Variants in MAP4K3 observed in about 807,000 individuals in gnomAD.
MAP4K3 encodes mitogen-activated protein kinase kinase kinase kinase 3.
MAP4K3 carries 94 observed loss-of-function variants against 143.5 expected under a neutral mutation model. The observed-to-expected ratio is 0.65, with a 90% CI of 0.55 to 0.78. The LOEUF is 0.78. MAP4K3 is among the 30% of genes least tolerant of loss of function. The pLI, the probability that MAP4K3 is intolerant of heterozygous loss-of-function variation, is 0.00. For missense variants in MAP4K3, 1,077 were observed against 1,068.1 expected (o/e 1.01, Z -0.12); for synonymous variants, 416 against 347.2 (o/e 1.20, Z -2.20).
At chr2:39,375,085 A>G (rs1437791406) in intron 2 of MAP4K3, among the ~76,000 whole-genome samples, 2 of 152,120 alleles carry the variant, frequency 1.3e-5, no homozygotes, top group Non-Finnish European at 2.9e-5. Context: ...ATATAGTGAG[A>G]CCCTGTCTCT....
chr2:39,295,879 C>T lies in MAP4K3; in HGVS notation c.1179-2611G>A, dbSNP rs192803877. ...GATTACAGGCGTGCACCACCATGCC[C>T]GGCTAATTTTTGTATTTTCAGTAAA... is the stretch of plus-strand genomic sequence containing the variant. On this transcript the variant is annotated intron_variant, in intron 16 of 33. Coordinates refer to ENST00000263881, the MANE Select transcript of MAP4K3 (RefSeq NM_003618.4). 1.7e-3 allele frequency among the ~76,000 whole-genome samples: 254 copies of T among 151,956 alleles called. 4 individuals carry two copies. The highest frequency in any genetic ancestry group is 5.9e-3 in the African/African-American group (244 of 41,458).
chr2:39,326,132 G>T lies in MAP4K3; in HGVS notation c.662+14C>A, dbSNP rs756193846. ...AACCTTAAGCGTAAGATTCTTCAATGATGATGCACTGACCTCATTGGGTGT... is the reference window on the plus strand; with the variant it reads ...AACCTTAAGCGTAAGATTCTTCAATTATGATGCACTGACCTCATTGGGTGT... On this transcript the variant is annotated intron_variant, in intron 9 of 33. Coordinates refer to ENST00000263881, the MANE Select transcript of MAP4K3 (RefSeq NM_003618.4). 6.2e-7 allele frequency: 1 copy of T among 1,609,114 alleles called. No homozygotes were observed. Among genetic ancestry groups the T allele is most frequent in the East Asian group, 2.2e-5 (1 of 44,812 alleles).
In MAP4K3 at chr2:39,333,184, G is replaced by T. The variant is rs180934925; in HGVS notation, c.457+348C>A. The stretch of plus-strand genomic sequence containing the variant: ...TTATGTGAAGAATAAAGTGTTTTTG[G>T]AGTTACTGATTTTTTGATATTTGTC... On this transcript the variant is annotated intron_variant, in intron 7 of 33. Coordinates refer to ENST00000263881, the MANE Select transcript of MAP4K3 (RefSeq NM_003618.4). Among the ~76,000 whole-genome samples the T allele has an allele frequency of 4.1e-4, 62 of 152,004 alleles. 1 individual carries two copies. The highest frequency in any genetic ancestry group is 7.9e-4 in the Non-Finnish European group (54 of 67,958).
intron 26 of MAP4K3, among the ~76,000 whole-genome samples, chr2:39,271,755 C>A (rs1445641113): frequency 1.3e-5 from 2 of 151,982 alleles, no homozygotes; most frequent in Non-Finnish European, 2.9e-5. Context: ...CCATGCCTGG[C>A]TACTTTTTAA....
At position 39,340,985 on chromosome 2, in the gene MAP4K3, C is replaced by A. The variant is rs569946747; in HGVS notation, c.310+2403G>T. On this transcript the variant is annotated intron_variant, in intron 4 of 33. Transcript: ENST00000263881. ...CTAACTAAGATTCTAAAGGAGAGAT[C>A]GCAGATTGGGGGAGAAAATATTTGA... Among the ~76,000 whole-genome samples, 19 of 152,098 alleles carry A rather than the reference C, an allele frequency of 1.2e-4. No homozygotes were observed. In the East Asian group the frequency reaches 3.5e-3, roughly 28 times the overall value.
At chr2:39,308,059 C>A in intron 14 of MAP4K3, 54 bp from the exon 15 acceptor site, 2 of 1,238,468 alleles carry the variant, frequency 1.6e-6, no homozygotes. Flanking sequence ...CTAAAAGCCA[C>A]AAATTCACAA....
intron 31 of MAP4K3, among the ~76,000 whole-genome samples, chr2:39,255,070 T>A (rs1008175571): frequency 6.6e-6 from 1 of 152,192 alleles, no homozygotes; most frequent in Non-Finnish European, 1.5e-5. Flanking sequence ...CTCCCTGAGA[T>A]AACCACTATT....
At chr2:39,418,179 G>C (rs1336726366) in intron 1 of MAP4K3, among the ~76,000 whole-genome samples, 2 of 146,564 alleles carry the variant, frequency 1.4e-5, no homozygotes, top group Non-Finnish European at 1.5e-5. Context: ...ACTCCAGCCT[G>C]GTAACAGAAC....
intron 2 of MAP4K3, among the ~76,000 whole-genome samples, chr2:39,361,382 G>C (rs1665766551): frequency 6.6e-6 from 1 of 151,252 alleles, no homozygotes; most frequent in Admixed American, 6.6e-5. Flanking sequence ...TAGCACATTA[G>C]ACTCTTTCAA....
At chr2:39,385,668 C>T (rs1362878871) in intron 1 of MAP4K3, among the ~76,000 whole-genome samples, 15 of 143,048 alleles carry the variant, frequency 1.0e-4, no homozygotes, top group East Asian at 6.1e-4. Context: ...TCACTCTTAT[C>T]GCCCAGGCTA....
chr2:39,348,870 T>C (rs1665370996), intron 3 of MAP4K3, among the ~76,000 whole-genome samples: 1 of 152,186 alleles, frequency 6.6e-6, no homozygotes. Context: ...AACACACTTT[T>C]TAATCTTCCC....
chr2:39,410,519 A>G (rs1260430881), intron 1 of MAP4K3, among the ~76,000 whole-genome samples: 1 of 152,234 alleles, frequency 6.6e-6, no homozygotes. Flanking sequence ...CATTACAGTC[A>G]CATGTCACTC....
At chr2:39,316,469 G>C (rs1163796913) in intron 12 of MAP4K3, among the ~76,000 whole-genome samples, 1 of 152,070 alleles carries the variant, frequency 6.6e-6, no homozygotes, top group Non-Finnish European at 1.5e-5. Context: ...CTGGAGACTT[G>C]ACTGATTATC....
At chr2:39,275,836 T>G (rs896302396) in intron 24 of MAP4K3, among the ~76,000 whole-genome samples, 10 of 152,316 alleles carry the variant, frequency 6.6e-5, no homozygotes, top group African/African-American at 2.4e-4. Context: ...ATTACTTATA[T>G]ATTTTTCTTT....
intron 28 of MAP4K3, 160 bp from the exon 29 acceptor site, chr2:39,260,937 T>G (rs866320073): frequency 7.0e-6 from 4 of 568,690 alleles, no homozygotes; most frequent in East Asian, 5.9e-5. Flanking sequence ...TTTATAAACA[T>G]TTTAGGTTTA....
chr2:39,396,867 A>T (rs961142826), intron 1 of MAP4K3, among the ~76,000 whole-genome samples: 3 of 152,230 alleles, frequency 2.0e-5, no homozygotes, highest in African/African-American at 7.2e-5. Context: ...ATAAGAGACC[A>T]AAGAGTCATT....
intron 5 of MAP4K3, 132 bp from the exon 6 acceptor site, chr2:39,337,099 A>G (rs965001799): frequency 6.4e-6 from 3 of 471,100 alleles, no homozygotes; most frequent in African/African-American, 6.2e-5. Flanking sequence ...CTAATCATTA[A>G]CATATTTTAA....
At chr2:39,292,129 T>C (rs1036500425) in intron 18 of MAP4K3, among the ~76,000 whole-genome samples, 5 of 152,194 alleles carry the variant, frequency 3.3e-5, no homozygotes, top group African/African-American at 1.2e-4. Flanking sequence ...ATTTGTTCAC[T>C]TGAAATATAA....
At chr2:39,367,312 C>A (rs1665949500) in intron 2 of MAP4K3, among the ~76,000 whole-genome samples, 1 of 152,114 alleles carries the variant, frequency 6.6e-6, no homozygotes, top group Non-Finnish European at 1.5e-5. Flanking sequence ...GAAGCTGAGG[C>A]AGGTGGACTG....
Sources: allele counts gnomAD v4.1 joint callset (sites outside exome capture counted in the v4.1 genomes callset), GRCh38; gene constraint gnomAD v4.1.1; transcripts MANE v1.5; gene names NCBI Gene and HGNC (gene_info 2026-07-23, HGNC 2026-07-21).